Variants in TAF4B observed in about 807,000 individuals in gnomAD.
The protein encoded by TAF4B is TATA-box binding protein associated factor 4b, also known as transcription initiation factor TFIID subunit 4B.
TAF4B carries 38 observed loss-of-function variants against 86.4 expected under a neutral mutation model. The observed-to-expected ratio is 0.44, with a 90% CI of 0.34 to 0.58. The LOEUF (loss-of-function observed/expected upper bound fraction) is 0.58, where lower values mean the gene tolerates loss of function less well. TAF4B is among the 20% of genes least tolerant of loss of function. The pLI is 0.02. For synonymous variants in TAF4B, 388 were observed against 391.2 expected (o/e 0.99, Z 0.10); for missense variants, 988 against 1,027.6 (o/e 0.96, Z 0.53).
At chr18:26,242,090 G>A (rs1021939563) in intron 1 of TAF4B, among the ~76,000 whole-genome samples, 1 of 152,212 alleles carries the variant, frequency 6.6e-6, no homozygotes, top group Non-Finnish European at 1.5e-5. Context: ...TTCTGTAGAT[G>A]TCTATTAGGC....
intron 9 of TAF4B, among the ~76,000 whole-genome samples, chr18:26,310,695 T>C (rs2056845769): frequency 6.6e-6 from 1 of 152,212 alleles, no homozygotes; most frequent in South Asian, 2.1e-4. Flanking sequence ...ACACGAAATT[T>C]ATAAGGTACA....
intron 14 of TAF4B, among the ~76,000 whole-genome samples, chr18:26,388,670 A>G (rs534881257): frequency 6.6e-6 from 1 of 152,250 alleles, no homozygotes; most frequent in Non-Finnish European, 1.5e-5. Flanking sequence ...CAGAGGAGCC[A>G]TGTGGCTGCA....
chr18:26,376,762 G>GA (rs1567929825), intron 14 of TAF4B, among the ~76,000 whole-genome samples: 1 of 152,002 alleles, frequency 6.6e-6, no homozygotes. Context: ...AGAATTTAGG[G>GA]GAAAAGAGTT....
In TAF4B at chr18:26,292,387, T is replaced by C. The variant is rs1265380939; in HGVS notation, c.1726+6T>C. The stretch of plus-strand genomic sequence containing the variant: ...TACTAGTCAGTTTCCTCCAGGTAGA[T>C]GCTGGTCCATCTCAGTCCCATCATG... On this transcript the variant is annotated splice_donor_region_variant and intron_variant, in intron 8 of 14. Transcript: ENST00000269142. 1 of 1,610,460 alleles carries C rather than the reference T, an allele frequency of 6.2e-7. No individual in the cohort carries two copies. Among genetic ancestry groups the C allele is most frequent in the Non-Finnish European group, 8.5e-7 (1 of 1,178,742 alleles).
At chr18:26,387,611 T>C (rs1418719011) in intron 14 of TAF4B, among the ~76,000 whole-genome samples, 2 of 152,158 alleles carry the variant, frequency 1.3e-5, no homozygotes, top group African/African-American at 4.8e-5. Flanking sequence ...TACCAGAGGC[T>C]TACACTTGTA....
rs577909432 is a variant in TAF4B, at chr18:26,226,850, C to CGGGTTACATGA, written c.-82_-81insGTTACATGAGG. 2.5e-4 allele frequency: 282 copies of CGGGTTACATGA among 1,149,136 alleles called. No individual in the cohort carries two copies. In the African/African-American group the frequency reaches 4.2e-3, roughly 17 times the overall value. 71.2% of individuals were successfully genotyped at this position (1,149,136 alleles called of 1,614,324 possible). A position where few individuals can be genotyped will look rare whatever the true frequency, so the allele number is the denominator to read the frequency against. ...CGATGCTGTGGAACCCGAACCGCAC[C>CGGGTTACATGA]GGAGTCGGCTGCCGCGCGCCAAGCC... On this transcript the variant is annotated 5_prime_UTR_variant, in exon 1 of 15. The change creates a new upstream start codon in the 5' untranslated region. Transcript: ENST00000269142.
intron 14 of TAF4B, among the ~76,000 whole-genome samples, chr18:26,370,488 A>G (rs954214230): frequency 6.6e-6 from 1 of 152,140 alleles, no homozygotes; most frequent in East Asian, 1.9e-4. Flanking sequence ...TGTCTGAAGG[A>G]GGTTAATCTC....
At chr18:26,327,381 A>C (rs962654195) in intron 12 of TAF4B, among the ~76,000 whole-genome samples, 1 of 152,204 alleles carries the variant, frequency 6.6e-6, no homozygotes, top group Non-Finnish European at 1.5e-5. Context: ...CCCATCCTCA[A>C]ACCCAGGTAA....
chr18:26,229,974 T>TAC (rs757693903), intron 1 of TAF4B, among the ~76,000 whole-genome samples: 1 of 150,570 alleles, frequency 6.6e-6, no homozygotes, highest in South Asian at 2.1e-4. Flanking sequence ...AATATATATA[T>TAC]ATATACACAC....
At chr18:26,275,192 G>C (rs1425685087) in intron 5 of TAF4B, 139 bp downstream of exon 5, 4 of 974,018 alleles carry the variant, frequency 4.1e-6, no homozygotes, top group Non-Finnish European at 1.3e-6. Flanking sequence ...GTCTCGCTCT[G>C]TTGCCCAAGC....
chr18:26,259,585 C>T (rs1568110388), intron 1 of TAF4B, among the ~76,000 whole-genome samples: 1 of 152,198 alleles, frequency 6.6e-6, no homozygotes, highest in Non-Finnish European at 1.5e-5. Flanking sequence ...TTTCCAGCTT[C>T]ATCCATGTCC....
intron 1 of TAF4B, among the ~76,000 whole-genome samples, chr18:26,237,029 C>G (rs1044081931): frequency 6.6e-6 from 1 of 152,274 alleles, no homozygotes; most frequent in African/African-American, 2.4e-5. Context: ...TTGAATAATT[C>G]ATGGGCTTTT....
At chr18:26,254,939 A>G (rs1253178798) in intron 1 of TAF4B, among the ~76,000 whole-genome samples, 3 of 152,228 alleles carry the variant, frequency 2.0e-5, no homozygotes, top group Non-Finnish European at 4.4e-5. Context: ...GGTTTGAATC[A>G]TCAGAAGCTT....
At chr18:26,232,035 T>C (rs1397749870) in intron 1 of TAF4B, among the ~76,000 whole-genome samples, 2 of 152,194 alleles carry the variant, frequency 1.3e-5, no homozygotes, top group African/African-American at 4.8e-5. Context: ...TATAGAGCGC[T>C]GATTGGTGCA....
chr18:26,374,418 A>G (rs900539475), intron 14 of TAF4B, among the ~76,000 whole-genome samples: 2 of 152,162 alleles, frequency 1.3e-5, no homozygotes, highest in Non-Finnish European at 2.9e-5. Flanking sequence ...GACCAGTTAT[A>G]TTGTTATTAT....
chr18:26,359,617 CT>C (rs1323059147), intron 14 of TAF4B, among the ~76,000 whole-genome samples: 2 of 152,114 alleles, frequency 1.3e-5, no homozygotes, highest in Non-Finnish European at 2.9e-5. Context: ...ACCAATTTCT[CT>C]CATACTATTC....
At chr18:26,292,109 A>G in intron 7 of TAF4B, 137 bp from the exon 8 acceptor site, 2 of 926,556 alleles carry the variant, frequency 2.2e-6, no homozygotes, top group Middle Eastern at 3.3e-4. Context: ...CTTCATACAA[A>G]TTTAAAGTAG....
chr18:26,346,889 A>G (rs1196077788), intron 13 of TAF4B, among the ~76,000 whole-genome samples: 2,599 of 15,168 alleles, frequency 0.17, 968 homozygotes, highest in Non-Finnish European at 0.26. Context: ...ATATATATAT[A>G]TATATATATA....
At chr18:26,363,343 G>A (rs931512552) in intron 14 of TAF4B, among the ~76,000 whole-genome samples, 1 of 144,368 alleles carries the variant, frequency 6.9e-6, no homozygotes, top group Non-Finnish European at 1.5e-5. Context: ...AGGCTGAGGA[G>A]TGTGGGTCAC....
Sources: allele counts gnomAD v4.1 joint callset (sites outside exome capture counted in the v4.1 genomes callset), GRCh38; gene constraint gnomAD v4.1.1; transcripts MANE v1.5; gene names NCBI Gene and HGNC (gene_info 2026-07-23, HGNC 2026-07-21).